The following ENDOU variants were observed in gnomAD, a reference collection of about 807,000 sequenced individuals.
The protein encoded by ENDOU is endonuclease, poly(U) specific, also known as uridylate-specific endoribonuclease.
In ENDOU, 49 loss-of-function variants were observed where a neutral mutation model predicts 54.2. The observed-to-expected ratio is 0.90, with a 90% CI of 0.72 to 1.15. The LOEUF is 1.15. Among genes scored for constraint, ENDOU ranks in the 50% most tolerant of loss-of-function variants. The pLI is 0.00. For synonymous variants in ENDOU, 172 were observed against 190.5 expected (o/e 0.90, Z 0.80); for missense variants, 458 against 511.4 (o/e 0.90, Z 1.01).
At position 47,711,728 on chromosome 12, in the gene ENDOU, G is replaced by A; in HGVS notation, c.1020C>T (p.Gly340=). 3 of 1,614,214 alleles carry A rather than the reference G, an allele frequency of 1.9e-6. No homozygotes were observed. The highest frequency in any genetic ancestry group is 2.2e-5 in the South Asian group (2 of 91,090). Residue 340 remains glycine (G), a synonymous_variant, in exon 9 of 10, where the codon GGC becomes GGT. Transcript: ENST00000422538. ...AAGCAGAGCCCACTTCCTTATAGTAGCCGTCCCAGTTGAACTGCATTGCCA... is the reference window on the plus strand; with the variant it reads ...AAGCAGAGCCCACTTCCTTATAGTAACCGTCCCAGTTGAACTGCATTGCCA... ...DVLAMQFNWD[G]YYKEVGSAFI...
At chr12:47,715,325 G>A (rs951064314) in intron 6 of ENDOU, among the ~76,000 whole-genome samples, 3 of 152,206 alleles carry the variant, frequency 2.0e-5, no homozygotes, top group African/African-American at 7.2e-5. Flanking sequence ...CCTGGCCTTG[G>A]CATCGGAACC....
rs139991973 is a variant in ENDOU at position 47,713,606 on chromosome 12, G to A, written c.752-218C>T. On this transcript the variant is annotated intron_variant, in intron 6 of 9. Coordinates refer to ENST00000422538, the MANE Select transcript of ENDOU (RefSeq NM_001172439.2). ...TGAGGATTCAGCTGGGAATAGCAAGGACACGGTCTCTATCTATATTACATT... is the reference window on the plus strand; with the variant it reads ...TGAGGATTCAGCTGGGAATAGCAAGAACACGGTCTCTATCTATATTACATT... Among the ~76,000 whole-genome samples the A allele has an allele frequency of 5.2e-4, 79 of 152,280 alleles. No individual in the cohort carries two copies. In the Middle Eastern group the frequency reaches 0.017, roughly 33 times the overall value.
In ENDOU at chr12:47,710,547, T is replaced by A. The variant is rs1014224069; in HGVS notation, c.*255A>T. Reference sequence around the variant, plus strand: ...CAGAGAGCTATGGAGGGTTCCTACCTTCTCTGCTTGGACTCTGTTTCTTAG... The same window carrying A: ...CAGAGAGCTATGGAGGGTTCCTACCATCTCTGCTTGGACTCTGTTTCTTAG... On this transcript the variant is annotated 3_prime_UTR_variant, in exon 10 of 10. Coordinates refer to ENST00000422538, the MANE Select transcript of ENDOU (RefSeq NM_001172439.2). The A allele has an allele frequency of 5.0e-6, 2 of 397,618 alleles. No homozygotes were observed. Among genetic ancestry groups the A allele is most frequent in the African/African-American group, 4.1e-5 (2 of 48,766 alleles). 24.6% of individuals were successfully genotyped at this position (397,618 alleles called of 1,614,324 possible).
At position 47,716,902 on chromosome 12, in the gene ENDOU, C is replaced by T. The variant is rs765301352; in HGVS notation, c.539G>A (p.Arg180His). 8.1e-6 allele frequency: 13 copies of T among 1,613,926 alleles called. No homozygotes were observed. The highest frequency in any genetic ancestry group is 4.4e-5 in the South Asian group (4 of 91,076). ...SPSETRNQVD[R>H]CPKPLFTYVN... ...TGTGGGAACTCACGGCTTTGGGCAG[C>T]GATCCACTTGGTTTCTGGTCTCTGA... Residue 180 changes from arginine to histidine, a missense_variant, in exon 5 of 10, where the codon CGC becomes CAC. By Grantham distance (29) the Arg-to-His change is conservative. Coordinates refer to ENST00000422538, the MANE Select transcript of ENDOU (RefSeq NM_001172439.2).
At chr12:47,718,014 T>C in intron 3 of ENDOU, 115 bp downstream of exon 3, 1 of 936,458 alleles carries the variant, frequency 1.1e-6, no homozygotes, top group South Asian at 1.5e-5. Flanking sequence ...CCAACAAGCC[T>C]CTCTCATCTG....
chr12:47,716,206 C>T (rs368595878), intron 6 of ENDOU, 94 bp downstream of exon 6: 168 of 1,226,728 alleles, frequency 1.4e-4, no homozygotes, highest in East Asian at 1.3e-3. Context: ...TCCCCACCGC[C>T]TCCTCACCTG....
intron 1 of ENDOU, among the ~76,000 whole-genome samples, chr12:47,721,123 G>A (rs980775240): frequency 6.6e-6 from 1 of 152,116 alleles, no homozygotes; most frequent in Non-Finnish European, 1.5e-5. Flanking sequence ...ATCCCTATTT[G>A]GGTTAGGCCC....
intron 6 of ENDOU, 152 bp from the exon 7 acceptor site, chr12:47,713,540 C>T (rs1317382082): frequency 1.6e-6 from 1 of 616,656 alleles, no homozygotes; most frequent in East Asian, 2.8e-5. Context: ...CAATGATTAT[C>T]TATGGGATGC....
intron 3 of ENDOU, 188 bp downstream of exon 3, chr12:47,717,941 C>G: frequency 3.2e-6 from 2 of 628,412 alleles, no homozygotes; most frequent in South Asian, 4.0e-5. Flanking sequence ...AGCTACCCTC[C>G]TCCCATGGCC....
intron 8 of ENDOU, 91 bp from the exon 9 acceptor site, chr12:47,711,866 T>C: frequency 1.4e-6 from 2 of 1,438,550 alleles, no homozygotes; most frequent in Non-Finnish European, 1.9e-6. Context: ...ACAGTATTTG[T>C]TGAGGGTCCA....
intron 6 of ENDOU, 37 bp from the exon 7 acceptor site, chr12:47,713,425 C>A (rs772874713): frequency 1.3e-6 from 2 of 1,483,960 alleles, no homozygotes; most frequent in Admixed American, 1.7e-5. Flanking sequence ...AGAGGGGAGG[C>A]AGGGCCAGGT....
At chr12:47,725,319 GC>G in intron 1 of ENDOU, 39 bp downstream of exon 1, 8 of 1,609,388 alleles carry the variant, frequency 5.0e-6, no homozygotes, top group Non-Finnish European at 6.8e-6. Flanking sequence ...GCAAGATCCC[GC>G]CCCACCAGCA....
At chr12:47,716,210 T>TC in intron 6 of ENDOU, 90 bp downstream of exon 6, 1 of 1,276,474 alleles carries the variant, frequency 7.8e-7, no homozygotes, top group South Asian at 1.2e-5. Flanking sequence ...CACCGCCTCC[T>TC]CACCTGCCCT....
In ENDOU at chr12:47,716,336, C is replaced by T. The variant is rs148904772; in HGVS notation, c.715G>A (p.Val239Ile). The stretch of plus-strand genomic sequence containing the variant: ...AGGAAGCTGTAGAGCTCCTTCATGA[C>T]TGCTGTCTTCATGATCTCTCTGAGG... ...AFLREIMKTAVMKELYSFLHH... is the reference protein window; with the variant it reads ...AFLREIMKTAIMKELYSFLHH... Residue 239 changes from valine (V) to isoleucine (I), a missense_variant, in exon 6 of 10, where the codon GTC (valine) becomes ATC (isoleucine). Val to Ile is a conservative substitution (Grantham distance 29). Coordinates refer to ENST00000422538, the MANE Select transcript of ENDOU (RefSeq NM_001172439.2). The T allele has an allele frequency of 6.2e-7, 1 of 1,614,094 alleles. No homozygotes were observed. Among genetic ancestry groups the T allele is most frequent in the African/African-American group, 1.3e-5 (1 of 74,940 alleles).
At chr12:47,711,831 A>G (rs376909747) in intron 8 of ENDOU, 56 bp from the exon 9 acceptor site, 9 of 1,594,014 alleles carry the variant, frequency 5.6e-6, no homozygotes, top group East Asian at 4.5e-5. Flanking sequence ...GTGGAGTAGA[A>G]CGGGTGCCCA....
At position 47,713,193 on chromosome 12, in the gene ENDOU, A is replaced by G. The variant is rs190748744; in HGVS notation, c.865+82T>C. On this transcript the variant is annotated intron_variant, in intron 7 of 9. Coordinates refer to ENST00000422538, the MANE Select transcript of ENDOU (RefSeq NM_001172439.2). ...AGCTGGCTGGACTGCTGATTAATCC[A>G]CACCCAGGGCTGCCCTGCTCCTGAG... 4.3e-4 allele frequency: 417 copies of G among 962,078 alleles called. 1 individual carries two copies. The highest frequency in any genetic ancestry group is 2.5e-3 in the Middle Eastern group (11 of 4,470). The allele number at this position is 962,078 out of a possible 1,614,324, so 59.6% of individuals were successfully genotyped here.
At chr12:47,721,963 G>T (rs1251853339) in intron 1 of ENDOU, among the ~76,000 whole-genome samples, 1 of 152,138 alleles carries the variant, frequency 6.6e-6, no homozygotes, top group East Asian at 1.9e-4. Flanking sequence ...CCAGGGTTGG[G>T]GTTAGTTAGG....
Position 47,718,145 on chromosome 12 carries a change from T to G in ENDOU, c.228A>C (p.Glu76Asp). The G allele has an allele frequency of 6.3e-7, 1 of 1,578,172 alleles. No individual in the cohort carries two copies. Among genetic ancestry groups the G allele is most frequent in the Non-Finnish European group, 8.6e-7 (1 of 1,160,164 alleles). ...EPLPQLEEET[E>D]EALASNLYSA... ...CAGGCTCACTGCTGGCGAGGGCCTC[T>G]TCTGTCTCTTCCTCCAGCTGTGGCA... Residue 76 changes from glutamate to aspartate, a missense_variant, in exon 3 of 10, where the codon GAA (glutamate) becomes GAC (aspartate). Physicochemically the swap from Glu to Asp is conservative, Grantham distance 45 (BLOSUM62 2). Coordinates refer to ENST00000422538, the MANE Select transcript of ENDOU (RefSeq NM_001172439.2).
chr12:47,711,683 C>G lies in ENDOU; in HGVS notation c.1065G>C (p.Glu355Asp), dbSNP rs1227118998. 1 of 1,614,026 alleles carries G rather than the reference C, an allele frequency of 6.2e-7. No individual in the cohort carries two copies. Among genetic ancestry groups the G allele is most frequent in the Non-Finnish European group, 8.5e-7 (1 of 1,180,018 alleles). Residue 355 changes from glutamate to aspartate, a missense_variant, in exon 9 of 10, where the codon GAG becomes GAC. Coordinates refer to ENST00000422538, the MANE Select transcript of ENDOU (RefSeq NM_001172439.2). ...VGSAFIGSSP[E>D]FEFALYSLCF... is the part of the protein sequence containing the mutation. ...ACAGGGAGTAGAGTGCAAACTCAAA[C>G]TCAGGGCTGCTGCCGATGAAAGCAG...
Sources: allele counts gnomAD v4.1 joint callset (sites outside exome capture counted in the v4.1 genomes callset), GRCh38; gene constraint gnomAD v4.1.1; transcripts MANE v1.5; gene names NCBI Gene and HGNC (gene_info 2026-07-23, HGNC 2026-07-21).